The following CRYBG1 variants were observed in gnomAD, a reference collection of about 807,000 sequenced individuals.
CRYBG1 encodes the protein crystallin beta-gamma domain containing 1, also known as beta/gamma crystallin domain-containing protein 1.
A neutral mutation model predicts 189.2 loss-of-function variants in CRYBG1; 139 were observed. The ratio of observed to expected loss-of-function variants is 0.73; its 90% confidence interval spans 0.64 to 0.85. CRYBG1 has a LOEUF of 0.85. CRYBG1 is among the 40% of genes least tolerant of loss of function. The probability of loss-of-function intolerance (pLI) is 0.00; values close to 1 mark genes in which losing one functional copy is unlikely to be tolerated. For missense variants in CRYBG1, 2,611 were observed against 2,675.8 expected (o/e 0.98, Z 0.53); for synonymous variants, 1,023 against 1,017.1 (o/e 1.01, Z -0.11).
chr6:106,544,770 A>G lies in CRYBG1; in HGVS notation c.5167-18A>G. On this transcript the variant is annotated intron_variant, in intron 12 of 21. Transcript: ENST00000633556. ...ATAAATGGCTAGCCTTTGAATTTTG[A>G]ATTTTTTTTCTCAATAGGATTTTTC... 6.2e-7 allele frequency: 1 copy of G among 1,602,144 alleles called. No homozygotes were observed. Among genetic ancestry groups the G allele is most frequent in the Non-Finnish European group, 8.5e-7 (1 of 1,176,424 alleles).
chr6:106,379,681 C>T (rs1459773014), intron 1 of CRYBG1, among the ~76,000 whole-genome samples: 1 of 152,052 alleles, frequency 6.6e-6, no homozygotes, highest in African/African-American at 2.4e-5. Context: ...GCCTTAGCCT[C>T]CTGAGTAGCT....
chr6:106,431,227 A>C (rs963268551), intron 1 of CRYBG1, among the ~76,000 whole-genome samples: 2 of 152,176 alleles, frequency 1.3e-5, no homozygotes, highest in African/African-American at 4.8e-5. Context: ...GTCCTCTGCC[A>C]TGTAGTCTCC....
At chr6:106,434,157 AG>A (rs1771407799) in intron 1 of CRYBG1, among the ~76,000 whole-genome samples, 1 of 151,292 alleles carries the variant, frequency 6.6e-6, no homozygotes, top group Non-Finnish European at 1.5e-5. Flanking sequence ...AGAGAAAGAG[AG>A]AGAGAGAGAG....
intron 2 of CRYBG1, among the ~76,000 whole-genome samples, chr6:106,509,144 C>G (rs1773192319): frequency 6.6e-6 from 1 of 152,172 alleles, no homozygotes. Context: ...CCTGTCCAGA[C>G]AGCAGAGACA....
chr6:106,523,599 T>C (rs1379617185), intron 4 of CRYBG1, among the ~76,000 whole-genome samples: 1 of 152,200 alleles, frequency 6.6e-6, no homozygotes, highest in Non-Finnish European at 1.5e-5. Flanking sequence ...TATTCAATCA[T>C]GAAGGTTTTA....
intron 1 of CRYBG1, among the ~76,000 whole-genome samples, chr6:106,372,824 G>A (rs1221329941): frequency 1.3e-5 from 2 of 152,216 alleles, no homozygotes; most frequent in Non-Finnish European, 2.9e-5. Context: ...AGTCTTCATA[G>A]TAGCTGTGCC....
chr6:106,393,411 A>G (rs1250326883), intron 1 of CRYBG1, among the ~76,000 whole-genome samples: 3 of 7,122 alleles, frequency 4.2e-4, no homozygotes, highest in African/African-American at 2.1e-3. Flanking sequence ...TGGTGAGCAA[A>G]TAAGTTCCCT....
intron 9 of CRYBG1, among the ~76,000 whole-genome samples, chr6:106,539,775 C>T (rs985084702): frequency 6.6e-6 from 1 of 150,642 alleles, no homozygotes; most frequent in Non-Finnish European, 1.5e-5. Context: ...TGCAGAGCTG[C>T]AGATGGGTGC....
intron 1 of CRYBG1, among the ~76,000 whole-genome samples, chr6:106,416,957 T>G (rs1204534261): frequency 6.6e-6 from 1 of 151,860 alleles, no homozygotes; most frequent in Non-Finnish European, 1.5e-5. Flanking sequence ...TACATTGAGT[T>G]TTTTTTACAT....
At chr6:106,445,727 AT>A (rs772522767) in intron 1 of CRYBG1, among the ~76,000 whole-genome samples, 7 of 152,242 alleles carry the variant, frequency 4.6e-5, no homozygotes, top group Non-Finnish European at 1.0e-4. Context: ...TCAAGATCAT[AT>A]AGCTAATGGC....
chr6:106,413,783 C>T (rs960926864), intron 1 of CRYBG1, among the ~76,000 whole-genome samples: 1 of 152,100 alleles, frequency 6.6e-6, no homozygotes, highest in African/African-American at 2.4e-5. Context: ...GGATTTGCTC[C>T]ATCACAAAAG....
At chr6:106,566,079 G>C (rs1200568961) in intron 21 of CRYBG1, among the ~76,000 whole-genome samples, 1 of 151,152 alleles carries the variant, frequency 6.6e-6, no homozygotes, top group Admixed American at 6.6e-5. Flanking sequence ...TCCTTAGCTA[G>C]AGCTTTCTTC....
chr6:106,407,553 C>A (rs1770850007), intron 1 of CRYBG1, among the ~76,000 whole-genome samples: 1 of 152,176 alleles, frequency 6.6e-6, no homozygotes. Context: ...GAACTCTCCA[C>A]CCCAAATCAA....
Position 106,512,454 on chromosome 6 carries a change from C to CGGT in CRYBG1, c.1339_1341dup (p.Val447dup). 6.2e-7 allele frequency: 1 copy of CGGT among 1,610,828 alleles called. No individual in the cohort carries two copies. The highest frequency in any genetic ancestry group is 8.5e-7 in the Non-Finnish European group (1 of 1,179,036). On this transcript the variant is annotated inframe_insertion, in exon 3 of 22. Coordinates refer to ENST00000633556, the MANE Select transcript of CRYBG1 (RefSeq NM_001371242.2). Reference sequence around the variant, plus strand: ...CCTGAGAGCGCTGCCAGGGACGACGCGGTGTTCGACGACGAGGTGGCGCCA... The same window carrying CGGT: ...CCTGAGAGCGCTGCCAGGGACGACGCGGTGGTGTTCGACGACGAGGTGGCGCCA...
chr6:106,561,941 G>T (rs535072155), intron 20 of CRYBG1, among the ~76,000 whole-genome samples: 1 of 152,260 alleles, frequency 6.6e-6, no homozygotes, highest in Admixed American at 6.5e-5. Context: ...GTCATACGTT[G>T]TAAATTAGAA....
chr6:106,448,113 G>A (rs1771702947), intron 1 of CRYBG1, among the ~76,000 whole-genome samples: 1 of 152,192 alleles, frequency 6.6e-6, no homozygotes, highest in African/African-American at 2.4e-5. Context: ...CTGCCCTGAA[G>A]CAGAGTTCTG....
At chr6:106,480,387 G>A (rs374353797) in intron 2 of CRYBG1, among the ~76,000 whole-genome samples, 52 of 151,932 alleles carry the variant, frequency 3.4e-4, no homozygotes, top group African/African-American at 8.7e-4. Flanking sequence ...ATTGTGGGCC[G>A]GGCGCGGTGG....
intron 1 of CRYBG1, among the ~76,000 whole-genome samples, chr6:106,384,187 G>A (rs1313696739): frequency 6.6e-6 from 1 of 152,100 alleles, no homozygotes; most frequent in Non-Finnish European, 1.5e-5. Context: ...CCAAAACAAG[G>A]CTACAGAGAC....
At chr6:106,478,132 G>A (rs1772369376) in intron 2 of CRYBG1, among the ~76,000 whole-genome samples, 1 of 152,236 alleles carries the variant, frequency 6.6e-6, no homozygotes, top group Non-Finnish European at 1.5e-5. Flanking sequence ...CTTTGGGTTT[G>A]GAAGATTTCA....
Sources: allele counts gnomAD v4.1 joint callset (sites outside exome capture counted in the v4.1 genomes callset), GRCh38; gene constraint gnomAD v4.1.1; transcripts MANE v1.5; gene names NCBI Gene and HGNC (gene_info 2026-07-23, HGNC 2026-07-21).